Variants in RBP5 observed in about 807,000 individuals in gnomAD.
RBP5 encodes the protein retinol-binding protein 5.
Under a neutral mutation model 17.8 loss-of-function variants are expected in RBP5, and 12 were observed. The observed-to-expected ratio is 0.67, with a 90% CI of 0.43 to 1.09. The LOEUF (loss-of-function observed/expected upper bound fraction) is 1.09. Among genes scored for constraint, RBP5 ranks in the 50% least tolerant of loss-of-function variants. The pLI is 0.00. For missense variants in RBP5, 172 were observed against 169.4 expected (o/e 1.02, Z -0.09); for synonymous variants, 64 against 68.1 (o/e 0.94, Z 0.30).
chr12:7,123,075 G>T (rs1333319229), downstream of RBP5, among the ~76,000 whole-genome samples: 1 of 152,084 alleles, frequency 6.6e-6, no homozygotes, highest in African/African-American at 2.4e-5. Flanking sequence ...CTCACATTGA[G>T]CCCTCTTCAC....
chr12:7,129,173 G>A, upstream of RBP5: 1 of 281,182 alleles, frequency 3.6e-6, no homozygotes, highest in Non-Finnish European at 7.1e-6. The surrounding 1 kb of genome is among the most constrained non-coding windows in gnomAD (Gnocchi z 5.5). Flanking sequence ...CTCATTTCTG[G>A]CAGGCTTGGG....
In RBP5 at chr12:7,128,160, G is replaced by C; in HGVS notation, c.252+80C>G. ...CTCCCCGCTGCTCTGGCTGGGGAAG[G>C]TCACTTTGTTTTGCCCCATGTTGTT... On this transcript the variant is annotated intron_variant, in intron 2 of 3. Coordinates refer to ENST00000266560, the MANE Select transcript of RBP5 (RefSeq NM_031491.4). The surrounding 1 kb of genome is among the most constrained non-coding windows in gnomAD (Gnocchi z 5.3). The C allele has an allele frequency of 1.5e-6, 2 of 1,324,776 alleles. No homozygotes were observed. Among genetic ancestry groups the C allele is most frequent in the Admixed American group, 4.4e-5 (2 of 45,546 alleles). The allele number at this position is 1,324,776 out of a possible 1,614,324, so 82.1% of individuals were successfully genotyped here. A position where few individuals can be genotyped will look rare whatever the true frequency, so the allele number is the denominator to read the frequency against.
At chr12:7,120,073 C>A (rs1939058623), downstream of RBP5, among the ~76,000 whole-genome samples, 1 of 152,030 alleles carries the variant, frequency 6.6e-6, no homozygotes, top group Non-Finnish European at 1.5e-5. Flanking sequence ...GCCTCCTCTC[C>A]CTGGTGGCCA....
rs140818918 is a variant in RBP5 at position 7,128,357 on chromosome 12, G to C, written c.135C>G (p.His45Gln). The C allele has an allele frequency of 6.2e-7, 1 of 1,614,230 alleles. No homozygotes were observed. The highest frequency in any genetic ancestry group is 2.2e-5 in the East Asian group (1 of 44,888). Reference protein sequence around the residue: ...LLLKPDKEIEHQGNHMTVRTL... With the variant: ...LLLKPDKEIEQQGNHMTVRTL... ...TCCTCACCGTCATGTGGTTGCCCTG[G>C]TGTTCGATCTCCTTGTCCGGCTTCA... is the stretch of plus-strand genomic sequence containing the variant. The change falls in exon 2 of 4, where the codon CAC becomes CAG. Residue 45 changes from histidine (H) to glutamine (Q), a missense_variant. Physicochemically the swap from His to Gln is conservative, Grantham distance 24 (BLOSUM62 0). Coordinates refer to ENST00000266560, the MANE Select transcript of RBP5 (RefSeq NM_031491.4). The surrounding 1 kb of genome is among the most constrained non-coding windows in gnomAD (Gnocchi z 5.3).
downstream of RBP5, among the ~76,000 whole-genome samples, chr12:7,119,249 A>G (rs2135776719): frequency 6.6e-6 from 1 of 151,636 alleles, no homozygotes; most frequent in South Asian, 2.1e-4. Context: ...GGAGCTGATG[A>G]CTGTGCAGCC....
chr12:7,126,510 G>GGTGGGGT (rs751535528), intron 2 of RBP5, among the ~76,000 whole-genome samples: 3 of 131,122 alleles, frequency 2.3e-5, no homozygotes, highest in East Asian at 2.1e-4. Flanking sequence ...TGGTGGTGGT[G>GGTGGGGT]GTGTGTGTGT....
At chr12:7,129,936 C>T (rs1269891931), upstream of RBP5, 5 of 428,546 alleles carry the variant, frequency 1.2e-5, no homozygotes, top group Non-Finnish European at 1.6e-5. The surrounding 1 kb of genome is among the most constrained non-coding windows in gnomAD (Gnocchi z 5.5). Context: ...GCTACAAATG[C>T]CAGGATTTCT....
intron 3 of RBP5, chr12:7,118,229 C>G (rs1346989584): frequency 2.6e-5 from 4 of 152,132 alleles, no homozygotes; most frequent in Non-Finnish European, 5.9e-5. Flanking sequence ...GCAGGATAAG[C>G]TTTAGTTTCA....
In RBP5 at chr12:7,128,343, A is replaced by T; in HGVS notation, c.149T>A (p.Met50Lys). Residue 50 changes from methionine (M) to lysine (K), a missense_variant, in exon 2 of 4, where the codon ATG becomes AAG. Met to Lys is a moderately conservative substitution (Grantham distance 95). Coordinates refer to ENST00000266560, the MANE Select transcript of RBP5 (RefSeq NM_031491.4). This position sits in a 1 kb window ranked among gnomAD's most constrained non-coding sequence, Gnocchi z 5.3. Reference sequence around the variant, plus strand: ...GAAGGTGCTGAGCGTCCTCACCGTCATGTGGTTGCCCTGGTGTTCGATCTC... The same window carrying T: ...GAAGGTGCTGAGCGTCCTCACCGTCTTGTGGTTGCCCTGGTGTTCGATCTC... The part of the protein sequence containing the change: ...DKEIEHQGNH[M>K]TVRTLSTFRN... 19 of 1,614,146 alleles carry T rather than the reference A, an allele frequency of 1.2e-5. No homozygotes were observed. Among genetic ancestry groups the T allele is most frequent in the Non-Finnish European group, 1.5e-5 (18 of 1,180,020 alleles).
At chr12:7,125,614 A>T (rs1217178770) in intron 2 of RBP5, among the ~76,000 whole-genome samples, 1 of 152,220 alleles carries the variant, frequency 6.6e-6, no homozygotes, top group Non-Finnish European at 1.5e-5. Flanking sequence ...GAGGGATGGC[A>T]GTGGGGCGGG....
chr12:7,127,079 GCCTC>G lies in RBP5; in HGVS notation c.252+1157_252+1160del, dbSNP rs750033727. Reference sequence around the variant, plus strand: ...GCGATCTTGGCTCACTGCAACCTCTGCCTCCCAGGTTCAAGTGATTCTTCTGCCT... The same window carrying G: ...GCGATCTTGGCTCACTGCAACCTCTGCCAGGTTCAAGTGATTCTTCTGCCT... On this transcript the variant is annotated intron_variant, in intron 2 of 3. Transcript: ENST00000266560. Among the ~76,000 whole-genome samples the G allele has an allele frequency of 1.2e-3, 167 of 142,544 alleles. 1 individual carries two copies. The highest frequency in any genetic ancestry group is 4.2e-3 in the African/African-American group (157 of 37,374). 93.5% of individuals were successfully genotyped at this position (142,544 alleles called of 152,430 possible). A position where few individuals can be genotyped will look rare whatever the true frequency, so the allele number is the denominator to read the frequency against.
rs899813294 is a variant in RBP5, at chr12:7,124,813, C to G, written c.253-83G>C. 4.6e-5 allele frequency: 37 copies of G among 799,284 alleles called. No homozygotes were observed. Among genetic ancestry groups the G allele is most frequent in the Non-Finnish European group, 6.8e-5 (31 of 453,446 alleles). 49.5% of individuals were successfully genotyped at this position (799,284 alleles called of 1,614,324 possible). A position where few individuals can be genotyped will look rare whatever the true frequency, so the allele number is the denominator to read the frequency against. ...CCATCTCACTCTGAATGGGCTCCCC[C>G]TTTTACTCCACAGCAGATACTGTCT... On this transcript the variant is annotated intron_variant, in intron 2 of 3. Transcript: ENST00000266560. This position sits in a 1 kb window ranked among gnomAD's most constrained non-coding sequence, Gnocchi z 5.3.
chr12:7,119,224 G>A (rs1401568031), downstream of RBP5, among the ~76,000 whole-genome samples: 2 of 151,422 alleles, frequency 1.3e-5, no homozygotes, highest in East Asian at 1.9e-4. Flanking sequence ...CAAGGGCTGG[G>A]GGGTAGGGGT....
In RBP5 at chr12:7,124,813, CT is replaced by C; in HGVS notation, c.253-84del. The C allele has an allele frequency of 5.0e-6, 4 of 799,378 alleles. No homozygotes were observed. The highest frequency in any genetic ancestry group is 1.8e-5 in the Admixed American group (1 of 56,366). The allele number at this position is 799,378 out of a possible 1,614,324, so 49.5% of individuals were successfully genotyped here. A position where few individuals can be genotyped will look rare whatever the true frequency, so the allele number is the denominator to read the frequency against. ...CCATCTCACTCTGAATGGGCTCCCC[CT>C]TTTACTCCACAGCAGATACTGTCTG... On this transcript the variant is annotated intron_variant, in intron 2 of 3. Coordinates refer to ENST00000266560, the MANE Select transcript of RBP5 (RefSeq NM_031491.4). This position sits in a 1 kb window ranked among gnomAD's most constrained non-coding sequence, Gnocchi z 5.3.
downstream of RBP5, chr12:7,120,560 G>C (rs972053149): frequency 6.4e-6 from 1 of 155,718 alleles, no homozygotes; most frequent in African/African-American, 2.4e-5. Context: ...ACCTCCTGCT[G>C]TACCTACAAG....
At chr12:7,129,499 T>G, upstream of RBP5, 2 of 503,788 alleles carry the variant, frequency 4.0e-6, no homozygotes, top group Non-Finnish European at 5.1e-6. The surrounding 1 kb of genome is among the most constrained non-coding windows in gnomAD (Gnocchi z 5.5). Context: ...ACAGACAGCC[T>G]GAGAGGAGTT....
At chr12:7,123,142 T>G (rs1159206302), downstream of RBP5, among the ~76,000 whole-genome samples, 1 of 151,832 alleles carries the variant, frequency 6.6e-6, no homozygotes, top group African/African-American at 2.4e-5. Flanking sequence ...CCCCTGGAGG[T>G]GGAGAGGAGG....
intron 2 of RBP5, among the ~76,000 whole-genome samples, chr12:7,127,964 G>A (rs1939202594): frequency 1.3e-5 from 2 of 152,376 alleles, no homozygotes; most frequent in East Asian, 1.9e-4. Context: ...AGGCTGGAGG[G>A]TGGGCAAATG....
downstream of RBP5, among the ~76,000 whole-genome samples, chr12:7,123,007 G>A (rs1939102687): frequency 6.6e-6 from 1 of 152,152 alleles, no homozygotes; most frequent in African/African-American, 2.4e-5. Flanking sequence ...GTCTTCATCT[G>A]ATGAGGGCCA....
Sources: allele counts gnomAD v4.1 joint callset (sites outside exome capture counted in the v4.1 genomes callset), GRCh38; gene constraint gnomAD v4.1.1; non-coding constraint Gnocchi (gnomAD v3.1); transcripts MANE v1.5; gene names NCBI Gene and HGNC (gene_info 2026-07-23, HGNC 2026-07-21).